Variants in SLC26A7 observed in about 807,000 individuals in gnomAD.
The protein encoded by SLC26A7 is solute carrier family 26 member 7, also known as anion exchange transporter.
Under a neutral mutation model 82.5 loss-of-function variants are expected in SLC26A7, and 59 were observed. That is an observed-to-expected ratio of 0.72 (90% confidence interval 0.58 to 0.89). The LOEUF (loss-of-function observed/expected upper bound fraction) is 0.89, where lower values mean the gene tolerates loss of function less well. SLC26A7 is among the 40% of genes least tolerant of loss of function. SLC26A7 has a pLI of 0.00. For synonymous variants in SLC26A7, 271 were observed against 274.3 expected (o/e 0.99, Z 0.12); for missense variants, 820 against 793.0 (o/e 1.03, Z -0.41).
intron 4 of SLC26A7, among the ~76,000 whole-genome samples, chr8:91,302,102 T>A (rs1188908025): frequency 6.6e-6 from 1 of 152,140 alleles, no homozygotes; most frequent in African/African-American, 2.4e-5. Flanking sequence ...TTTACTAACA[T>A]TTTCCTTCTA....
intron 2 of SLC26A7, among the ~76,000 whole-genome samples, chr8:91,278,945 ACT>A (rs1301107477): frequency 6.6e-6 from 1 of 151,328 alleles, no homozygotes; most frequent in African/African-American, 2.4e-5. Flanking sequence ...CTATCATTTC[ACT>A]CTTTCTATTA....
chr8:91,332,266 T>C (rs1813103903), intron 5 of SLC26A7, among the ~76,000 whole-genome samples: 1 of 143,618 alleles, frequency 7.0e-6, no homozygotes, highest in South Asian at 2.1e-4. Context: ...AATTTATAAT[T>C]ATATATAGTT....
At chr8:91,216,714 T>C (rs1481540650) in intron 1 of SLC26A7, among the ~76,000 whole-genome samples, 2 of 152,174 alleles carry the variant, frequency 1.3e-5, no homozygotes, top group Non-Finnish European at 2.9e-5. Context: ...TTAATCATTA[T>C]AATCTAGTTA....
intron 5 of SLC26A7, among the ~76,000 whole-genome samples, chr8:91,323,533 G>A (rs1812850109): frequency 1.3e-5 from 2 of 152,046 alleles, no homozygotes; most frequent in Admixed American, 1.3e-4. Context: ...TTGTATGTTT[G>A]GTCCAAGTGA....
intron 4 of SLC26A7, among the ~76,000 whole-genome samples, chr8:91,310,186 C>G (rs1812440789): frequency 6.6e-6 from 1 of 152,074 alleles, no homozygotes; most frequent in Non-Finnish European, 1.5e-5. Flanking sequence ...TGGAGGAGGG[C>G]CCTCTACTGC....
At chr8:91,227,319 C>T (rs1438367720) in intron 2 of SLC26A7, among the ~76,000 whole-genome samples, 2 of 152,162 alleles carry the variant, frequency 1.3e-5, no homozygotes, top group Non-Finnish European at 2.9e-5. Flanking sequence ...TTGTTTTTCA[C>T]TCACATTTGC....
chr8:91,353,673 G>A (rs1813783084), intron 11 of SLC26A7, among the ~76,000 whole-genome samples: 2 of 152,000 alleles, frequency 1.3e-5, no homozygotes, highest in Non-Finnish European at 2.9e-5. Context: ...CACCATATTG[G>A]AATATAATTA....
At chr8:91,341,682 GT>G (rs1346763142) in intron 8 of SLC26A7, among the ~76,000 whole-genome samples, 2 of 152,108 alleles carry the variant, frequency 1.3e-5, no homozygotes, top group Admixed American at 6.6e-5. Context: ...AAACTTCCCA[GT>G]TGCTTCTGGT....
chr8:91,241,015 C>A (rs1181088339), intron 2 of SLC26A7, among the ~76,000 whole-genome samples: 1 of 152,098 alleles, frequency 6.6e-6, no homozygotes, highest in Non-Finnish European at 1.5e-5. Flanking sequence ...AGCAATGATT[C>A]TTTGACACTT....
intron 3 of SLC26A7, among the ~76,000 whole-genome samples, chr8:91,290,018 T>A (rs187813163): frequency 1.3e-5 from 2 of 152,300 alleles, no homozygotes; most frequent in East Asian, 3.9e-4. Context: ...ATTCTAATGA[T>A]TATAGTGAGA....
At chr8:91,257,742 A>C (rs945675532) in intron 2 of SLC26A7, among the ~76,000 whole-genome samples, 1 of 151,938 alleles carries the variant, frequency 6.6e-6, no homozygotes, top group East Asian at 1.9e-4. Flanking sequence ...TTGGAGGTAC[A>C]TGTGAAGTTT....
chr8:91,279,129 A>ATATATATATATATATATATG (rs1563656844), intron 2 of SLC26A7, among the ~76,000 whole-genome samples: 4 of 19,096 alleles, frequency 2.1e-4, no homozygotes, highest in African/African-American at 3.9e-4. Context: ...GTGTGTGTAT[A>ATATATATATATATATATATG]TATATATATA....
intron 2 of SLC26A7, among the ~76,000 whole-genome samples, chr8:91,221,524 A>T (rs758680130): frequency 6.6e-6 from 1 of 152,182 alleles, no homozygotes; most frequent in African/African-American, 2.4e-5. Flanking sequence ...TTAAGTCTTT[A>T]ATCCATCTTG....
intron 2 of SLC26A7, among the ~76,000 whole-genome samples, chr8:91,263,644 C>T (rs34547129): frequency 0.063 from 9,635 of 152,080 alleles, 367 homozygotes; most frequent in African/African-American, 0.097. Context: ...CTCTTAGTTC[C>T]CTTCTTTCCT....
intron 2 of SLC26A7, among the ~76,000 whole-genome samples, chr8:91,239,767 TTTCAAGGGGC>T (rs1378938059): frequency 6.6e-6 from 1 of 152,190 alleles, no homozygotes; most frequent in Admixed American, 6.5e-5. Flanking sequence ...TTGAGTTGTT[TTTCAAGGGGC>T]TAAGTAGACA....
At chr8:91,325,161 T>A (rs1387785793) in intron 5 of SLC26A7, among the ~76,000 whole-genome samples, 1 of 152,168 alleles carries the variant, frequency 6.6e-6, no homozygotes, top group Non-Finnish European at 1.5e-5. Context: ...TTCTGTGTGG[T>A]CTTAAGCAAT....
At chr8:91,394,604 A>AC in intron 18 of SLC26A7, 1 of 1,164,792 alleles carries the variant, frequency 8.6e-7, no homozygotes, top group Non-Finnish European at 1.1e-6. Flanking sequence ...GCCTTTCCTC[A>AC]CCCCTAGAAT....
rs200130101 is a variant in SLC26A7, at chr8:91,352,857, A to G, written c.1219-44A>G. On this transcript the variant is annotated intron_variant, in intron 10 of 18. Transcript: ENST00000276609. ...CCTTAGCCCTTTTAAATTTAAGTTA[A>G]AATTTTTATGTTGCTTCTTCTTCAA... 83 of 1,510,536 alleles carry G rather than the reference A, an allele frequency of 5.5e-5. 1 individual carries two copies. The African/African-American group carries it at 9.1e-4, about 17-fold the overall frequency. The allele number at this position is 1,510,536 out of a possible 1,614,324, so 93.6% of individuals were successfully genotyped here. A position where few individuals can be genotyped will look rare whatever the true frequency, so the allele number is the denominator to read the frequency against.
chr8:91,363,618 A>G, intron 13 of SLC26A7, 80 bp downstream of exon 13: 1 of 790,534 alleles, frequency 1.3e-6, no homozygotes, highest in Non-Finnish European at 2.0e-6. Context: ...CACAAAAATT[A>G]GATAAATTAT....
Sources: allele counts gnomAD v4.1 joint callset (sites outside exome capture counted in the v4.1 genomes callset), GRCh38; gene constraint gnomAD v4.1.1; transcripts MANE v1.5; gene names NCBI Gene and HGNC (gene_info 2026-07-23, HGNC 2026-07-21).